The following PID1 variants were observed in gnomAD, a reference collection of about 807,000 sequenced individuals.
PID1 encodes the protein phosphotyrosine interaction domain containing 1, also known as PTB-containing, cubilin and LRP1-interacting protein.
PID1 carries 10 observed loss-of-function variants against 19.1 expected under a neutral mutation model. The ratio of observed to expected loss-of-function variants is 0.52; its 90% CI spans 0.32 to 0.89. PID1 has a LOEUF of 0.89. PID1 is among the 40% of genes least tolerant of loss of function. The pLI, the probability that PID1 is intolerant of heterozygous loss-of-function variation, is 0.03. For missense variants in PID1, 248 were observed against 285.3 expected, an observed-to-expected ratio of 0.87 and a Z score of 0.94; for synonymous variants, 130 against 116.0, an observed-to-expected ratio of 1.12 and a Z score of -0.78.
intron 2 of PID1, among the ~76,000 whole-genome samples, chr2:229,120,372 TA>T (rs1161054082): frequency 1.3e-5 from 2 of 152,012 alleles, no homozygotes; most frequent in African/African-American, 4.8e-5. Context: ...GAAATGCTAT[TA>T]AAAAATCATA....
chr2:229,025,484 A>T lies in PID1; in HGVS notation c.*148T>A, dbSNP rs1693393985. On this transcript the variant is annotated 3_prime_UTR_variant, in exon 3 of 3. Transcript: ENST00000392055. Reference sequence around the variant, plus strand: ...AATTACTTTAATGATACATTTCTTTAGATTTAGAATTGCTCTTCTGAATTT... The same window carrying T: ...AATTACTTTAATGATACATTTCTTTTGATTTAGAATTGCTCTTCTGAATTT... The T allele has an allele frequency of 3.0e-6, 2 of 661,474 alleles. No homozygotes were observed. The highest frequency in any genetic ancestry group is 5.4e-6 in the Non-Finnish European group (2 of 369,620). The allele number at this position is 661,474 out of a possible 1,614,324, so 41.0% of individuals were successfully genotyped here. A position where few individuals can be genotyped will look rare whatever the true frequency, so the allele number is the denominator to read the frequency against.
rs1693361040 is a variant in PID1, at chr2:229,024,207, G to A, written c.*1425C>T. On this transcript the variant is annotated 3_prime_UTR_variant, in exon 3 of 3. Coordinates refer to ENST00000392055, the MANE Select transcript of PID1 (RefSeq NM_001100818.2). Reference sequence around the variant, plus strand: ...GACACACAGATATGCAGACCGAAATGCTGACACCATCGCTCTCTAGATTGG... The same window carrying A: ...GACACACAGATATGCAGACCGAAATACTGACACCATCGCTCTCTAGATTGG... 1.3e-5 allele frequency: 2 copies of A among 152,566 alleles called. No homozygotes were observed. The highest frequency in any genetic ancestry group is 4.1e-4 in the South Asian group (2 of 4,826). 9.5% of individuals were successfully genotyped at this position (152,566 alleles called of 1,614,324 possible). A position where few individuals can be genotyped will look rare whatever the true frequency, so the allele number is the denominator to read the frequency against.
chr2:229,059,489 GA>G, intron 2 of PID1, among the ~76,000 whole-genome samples: 1 of 152,212 alleles, frequency 6.6e-6, no homozygotes, highest in Non-Finnish European at 1.5e-5. Context: ...TTAAACAGAG[GA>G]AAAAACTCAG....
intron 2 of PID1, among the ~76,000 whole-genome samples, chr2:229,146,498 A>T (rs79611442): frequency 0.12 from 17,800 of 151,364 alleles, 1,200 homozygotes; most frequent in East Asian, 0.29. Flanking sequence ...GTAAATTTTT[A>T]AAAAAAAATT....
intron 1 of PID1, chr2:229,236,385 A>G (rs1689682771): frequency 6.6e-6 from 1 of 152,270 alleles, no homozygotes; most frequent in Middle Eastern, 3.4e-3. Flanking sequence ...CTTTCCAGAT[A>G]GAGTGGTCAG....
chr2:229,174,352 G>GGTAATGTACGGTCAGGTAATGTA (rs1242388082), intron 1 of PID1, among the ~76,000 whole-genome samples: 3 of 152,134 alleles, frequency 2.0e-5, no homozygotes, highest in African/African-American at 7.2e-5. Flanking sequence ...TACCTACGGA[G>GGTAATGTACGGTCAGGTAATGTA]CTCACGGTCA....
intron 2 of PID1, among the ~76,000 whole-genome samples, chr2:229,078,847 C>A (rs1197164575): frequency 6.6e-6 from 1 of 152,026 alleles, no homozygotes; most frequent in Non-Finnish European, 1.5e-5. Context: ...CTTTTTCTTC[C>A]AGGTTATAAT....
At chr2:229,037,216 A>G (rs1447256113) in intron 2 of PID1, among the ~76,000 whole-genome samples, 4 of 152,202 alleles carry the variant, frequency 2.6e-5, no homozygotes, top group Non-Finnish European at 5.9e-5. Flanking sequence ...ATAATCTATA[A>G]AAATATTAAT....
chr2:229,201,612 C>G (rs1691500557), intron 1 of PID1, among the ~76,000 whole-genome samples: 1 of 152,036 alleles, frequency 6.6e-6, no homozygotes, highest in African/African-American at 2.4e-5. Flanking sequence ...TCTTTGAGAT[C>G]CAGCTTTCGA....
intron 2 of PID1, among the ~76,000 whole-genome samples, chr2:229,082,083 G>C (rs1430317565): frequency 6.6e-6 from 1 of 152,134 alleles, no homozygotes; most frequent in Non-Finnish European, 1.5e-5. Flanking sequence ...GTATTTTCAA[G>C]CCCAGAGCTG....
intron 2 of PID1, among the ~76,000 whole-genome samples, chr2:229,076,319 C>T (rs925231541): frequency 6.6e-6 from 1 of 152,106 alleles, no homozygotes; most frequent in Non-Finnish European, 1.5e-5. Flanking sequence ...ACTGTCAAAT[C>T]CCAAGACAAT....
chr2:229,211,851 T>A (rs1421842864), intron 1 of PID1, among the ~76,000 whole-genome samples: 1 of 152,236 alleles, frequency 6.6e-6, no homozygotes, highest in African/African-American at 2.4e-5. Context: ...TGGGACAATA[T>A]ATTCGCAAAT....
chr2:229,231,454 A>C (rs998842045), intron 1 of PID1, among the ~76,000 whole-genome samples: 1 of 152,074 alleles, frequency 6.6e-6, no homozygotes, highest in Non-Finnish European at 1.5e-5. Context: ...TATGTCACAG[A>C]AACAATGTCT....
At chr2:229,075,587 C>T (rs1379736492) in intron 2 of PID1, among the ~76,000 whole-genome samples, 1 of 152,158 alleles carries the variant, frequency 6.6e-6, no homozygotes, top group Admixed American at 6.5e-5. Flanking sequence ...ATCAAGATGG[C>T]CACATGACTA....
At chr2:229,050,720 A>G (rs6748136) in intron 2 of PID1, among the ~76,000 whole-genome samples, 1 of 151,964 alleles carries the variant, frequency 6.6e-6, no homozygotes, top group Non-Finnish European at 1.5e-5. Context: ...TGAGTGTCCC[A>G]TCTCAAGCTC....
At chr2:229,038,738 A>G (rs1693710918) in intron 2 of PID1, among the ~76,000 whole-genome samples, 2 of 152,198 alleles carry the variant, frequency 1.3e-5, no homozygotes, top group African/African-American at 4.8e-5. Flanking sequence ...ACAATAAATG[A>G]TTAAGCAACA....
At chr2:229,083,969 G>A (rs568118401) in intron 2 of PID1, among the ~76,000 whole-genome samples, 7 of 152,274 alleles carry the variant, frequency 4.6e-5, no homozygotes, top group Non-Finnish European at 8.8e-5. Context: ...CTTTAACCAG[G>A]CAGTGAAGTT....
chr2:229,066,368 G>C lies in PID1; in HGVS notation c.178-40260C>G, dbSNP rs564949743. ...GACAAGAGGGGAGGTATTTCAGTGGGATTAGAGGAGTTGAAGGAAGCCACT... is the reference window on the plus strand; with the variant it reads ...GACAAGAGGGGAGGTATTTCAGTGGCATTAGAGGAGTTGAAGGAAGCCACT... On this transcript the variant is annotated intron_variant, in intron 2 of 2. Transcript: ENST00000392055. Among the ~76,000 whole-genome samples the C allele has an allele frequency of 9.8e-5, 15 of 152,304 alleles. No individual in the cohort carries two copies. In the South Asian group the frequency reaches 2.3e-3, roughly 23 times the overall value.
chr2:229,210,542 A>AAC (rs1225484681), intron 1 of PID1, among the ~76,000 whole-genome samples: 1 of 147,918 alleles, frequency 6.8e-6, no homozygotes, highest in Non-Finnish European at 1.5e-5. Flanking sequence ...AAAAAAAAAA[A>AAC]AAAAAAAAAA....
Sources: gnomAD v4.1 joint callset for allele counts (sites outside exome capture counted in the v4.1 genomes callset) on GRCh38, gnomAD v4.1.1 for gene constraint, MANE v1.5 for transcripts, NCBI Gene and HGNC (gene_info 2026-07-23, HGNC 2026-07-21) for gene names.